LRRC4C: variants seen among roughly 807,000 people sequenced by gnomAD.
LRRC4C encodes the protein leucine rich repeat containing 4C, also known as leucine-rich repeat-containing protein 4C.
LRRC4C carries 5 observed loss-of-function variants against 33.6 expected under a neutral mutation model. The observed-to-expected ratio is 0.15, with a 90% CI of 0.08 to 0.31. The LOEUF (loss-of-function observed/expected upper bound fraction) is 0.31, where lower values mean the gene tolerates loss of function less well. Among genes scored for constraint, LRRC4C ranks in the 10% least tolerant of loss-of-function variants. LRRC4C has a pLI of 1.00. For synonymous variants in LRRC4C, 329 were observed against 302.0 expected, an observed-to-expected ratio of 1.09 and a Z score of -0.93; for missense variants, 560 against 796.7, an observed-to-expected ratio of 0.70 and a Z score of 3.58.
rs34328057 is a variant in LRRC4C, at chr11:41,215,014, G to GTATATATATATATATA, written c.-496+244401_-496+244416dup. 1.5e-3 allele frequency among the ~76,000 whole-genome samples: 197 copies of GTATATATATATATATA among 131,040 alleles called. 2 individuals are homozygous for GTATATATATATATATA. The highest frequency in any genetic ancestry group is 5.4e-3 in the African/African-American group (186 of 34,550). 86.0% of individuals were successfully genotyped at this position (131,040 alleles called of 152,430 possible). ...TTCTCAATTTCTATTTTTTATTCATGTATATATATATATATATATATATAT... is the reference window on the plus strand; with the variant it reads ...TTCTCAATTTCTATTTTTTATTCATGTATATATATATATATATATATATATATATATATATATATAT... On this transcript the variant is annotated intron_variant, in intron 1 of 6. Transcript: ENST00000528697.
chr11:41,093,268 A>G (rs1352590069), intron 1 of LRRC4C, among the ~76,000 whole-genome samples: 1 of 152,240 alleles, frequency 6.6e-6, no homozygotes, highest in African/African-American at 2.4e-5. Flanking sequence ...AGGCAAGTCT[A>G]ATACTTACAC....
chr11:40,417,825 GGGAGTGAAGTAT>G (rs1239634738), intron 3 of LRRC4C, among the ~76,000 whole-genome samples: 18 of 152,194 alleles, frequency 1.2e-4, no homozygotes, highest in African/African-American at 3.4e-4. Context: ...AAGACTCTGA[GGGAGTGAAGTAT>G]GGGTTAGGGT....
intron 1 of LRRC4C, among the ~76,000 whole-genome samples, chr11:41,408,924 G>C (rs1954352666): frequency 6.6e-6 from 1 of 152,094 alleles, no homozygotes; most frequent in African/African-American, 2.4e-5. Context: ...ATGATCACAG[G>C]CGACTTCATT....
intron 1 of LRRC4C, among the ~76,000 whole-genome samples, chr11:41,369,377 A>T (rs1472541169): frequency 1.3e-5 from 2 of 152,026 alleles, no homozygotes; most frequent in Non-Finnish European, 2.9e-5. Context: ...GGGGCCTCTA[A>T]GAGGGTGGAG....
chr11:40,277,927 T>A lies in LRRC4C; in HGVS notation c.-175-36329A>T, dbSNP rs571178757. Among the ~76,000 whole-genome samples the A allele has an allele frequency of 7.8e-4, 119 of 152,294 alleles. 1 individual carries two copies. Among genetic ancestry groups the A allele is most frequent in the African/African-American group, 2.5e-3 (104 of 41,572 alleles). The stretch of plus-strand genomic sequence containing the variant: ...ATATAAAATAACTCACTACTATTGC[T>A]ACCATACAACTGGTACTCAAAAAAG... On this transcript the variant is annotated intron_variant, in intron 4 of 6. Transcript: ENST00000528697.
chr11:41,032,370 A>G (rs114007226), intron 1 of LRRC4C, among the ~76,000 whole-genome samples: 337 of 152,182 alleles, frequency 2.2e-3, no homozygotes, highest in African/African-American at 7.9e-3. Context: ...TTGTAATTCC[A>G]AAACATCCTT....
chr11:41,293,965 C>A (rs577739294), intron 1 of LRRC4C, among the ~76,000 whole-genome samples: 1 of 152,260 alleles, frequency 6.6e-6, no homozygotes, highest in Non-Finnish European at 1.5e-5. Context: ...AACACACACA[C>A]AGACACACAT....
chr11:41,419,995 G>T (rs1457039935), intron 1 of LRRC4C, among the ~76,000 whole-genome samples: 2 of 151,794 alleles, frequency 1.3e-5, no homozygotes, highest in Non-Finnish European at 2.9e-5. Context: ...AAAGATGTGG[G>T]AGGTCAGTAA....
At chr11:41,384,476 A>C (rs1953278120) in intron 1 of LRRC4C, among the ~76,000 whole-genome samples, 1 of 151,686 alleles carries the variant, frequency 6.6e-6, no homozygotes, top group African/African-American at 2.4e-5. Flanking sequence ...AAGAAATAGC[A>C]ATCTTATCTT....
chr11:41,156,104 C>T (rs1049811479), intron 1 of LRRC4C, among the ~76,000 whole-genome samples: 7 of 151,984 alleles, frequency 4.6e-5, no homozygotes, highest in Non-Finnish European at 7.4e-5. Context: ...GACCCATCTA[C>T]GCAAAGCAAA....
intron 3 of LRRC4C, among the ~76,000 whole-genome samples, chr11:40,613,375 G>T (rs914903052): frequency 2.0e-5 from 3 of 151,752 alleles, no homozygotes; most frequent in Non-Finnish European, 2.9e-5. Flanking sequence ...TCTATCTCAA[G>T]AAACCACTTT....
chr11:40,287,860 A>T (rs1237945290), intron 4 of LRRC4C, among the ~76,000 whole-genome samples: 2 of 152,220 alleles, frequency 1.3e-5, no homozygotes, highest in Non-Finnish European at 2.9e-5. Flanking sequence ...GGACCTTACC[A>T]AAAATGGTCA....
At chr11:40,135,781 C>T (rs1056877053) in intron 6 of LRRC4C, among the ~76,000 whole-genome samples, 1 of 152,156 alleles carries the variant, frequency 6.6e-6, no homozygotes, top group Non-Finnish European at 1.5e-5. Flanking sequence ...GATAATAATG[C>T]AAGTTACTTA....
intron 2 of LRRC4C, among the ~76,000 whole-genome samples, chr11:40,675,813 T>G (rs1282091098): frequency 6.6e-6 from 1 of 152,170 alleles, no homozygotes. Flanking sequence ...TCTGTTAAAG[T>G]TTTTTTGGAA....
At chr11:41,258,505 T>C (rs10837602) in intron 1 of LRRC4C, among the ~76,000 whole-genome samples, 150,379 of 152,074 alleles carry the variant, frequency 0.99, 74,373 homozygotes, top group East Asian at 1. Flanking sequence ...CTGAAGAAAA[T>C]ATCTGGATAG....
chr11:40,115,874 G>A lies in LRRC4C; in HGVS notation c.419C>T (p.Pro140Leu). Residue 140 changes from proline (P) to leucine (L), a missense_variant, in exon 7 of 7, where the codon CCG becomes CTG. This residue lies in a region of LRRC4C where 455 missense variants were observed against 643.8 expected (regional missense o/e 0.71). Coordinates refer to ENST00000528697, the MANE Select transcript of LRRC4C (RefSeq NM_001258419.2). This position sits in a 1 kb window ranked among gnomAD's most constrained non-coding sequence, Gnocchi z 6.7. ...ELFDNRLTTI[P>L]NGAFVYLSKL... is the part of the protein sequence containing the mutation. ...AGACAAGTATACAAAAGCTCCATTCGGGATGGTAGTAAGACGATTGTCAAA... is the reference window on the plus strand; with the variant it reads ...AGACAAGTATACAAAAGCTCCATTCAGGATGGTAGTAAGACGATTGTCAAA... 1 of 1,614,080 alleles carries A rather than the reference G, an allele frequency of 6.2e-7. No individual in the cohort carries two copies. Among genetic ancestry groups the A allele is most frequent in the Non-Finnish European group, 8.5e-7 (1 of 1,180,002 alleles).
chr11:40,704,516 C>T (rs569641910), intron 2 of LRRC4C, among the ~76,000 whole-genome samples: 2 of 152,184 alleles, frequency 1.3e-5, no homozygotes, highest in South Asian at 2.1e-4. Flanking sequence ...TAGTCCAATA[C>T]ATTAGGTAAC....
At chr11:40,292,851 G>T (rs969195544) in intron 4 of LRRC4C, 1 of 151,908 alleles carries the variant, frequency 6.6e-6, no homozygotes, top group Non-Finnish European at 1.5e-5. Flanking sequence ...TATCCATTGC[G>T]TTCGGTTCCA....
At chr11:41,406,428 T>G (rs1954234504) in intron 1 of LRRC4C, among the ~76,000 whole-genome samples, 1 of 152,170 alleles carries the variant, frequency 6.6e-6, no homozygotes, top group Non-Finnish European at 1.5e-5. Flanking sequence ...GATTTTCAAT[T>G]AAGATTCTTC....
Sources: gnomAD v4.1 joint callset for allele counts (sites outside exome capture counted in the v4.1 genomes callset) on GRCh38, gnomAD v4.1.1 for gene constraint, gnomAD v4.1.1 regional missense constraint, Gnocchi (gnomAD v3.1) non-coding constraint, MANE v1.5 for transcripts, NCBI Gene and HGNC (gene_info 2026-07-23, HGNC 2026-07-21) for gene names.